The following GPR83 variants were observed in gnomAD, a reference collection of about 807,000 sequenced individuals.
GPR83 encodes the protein G protein-coupled receptor 83, also known as G-protein coupled receptor 72.
GPR83 carries 23 observed loss-of-function variants against 28.0 expected under a neutral mutation model. That is an observed-to-expected ratio of 0.82 (90% confidence interval 0.59 to 1.16). The LOEUF is 1.16. Among genes scored for constraint, GPR83 ranks in the 50% most tolerant of loss-of-function variants. The pLI, the probability that GPR83 is intolerant of heterozygous loss-of-function variation, is 0.00. For missense variants in GPR83, 610 were observed against 536.6 expected (o/e 1.14, Z -1.35); for synonymous variants, 234 against 215.4 (o/e 1.09, Z -0.76).
At chr11:94,387,804 G>T (rs1944775714) in intron 3 of GPR83, among the ~76,000 whole-genome samples, 1 of 151,612 alleles carries the variant, frequency 6.6e-6, no homozygotes, top group Admixed American at 6.6e-5. Context: ...TAGAAAAAGA[G>T]GGAATCCTCC....
rs573009798 is a variant in GPR83 at position 94,380,325 on chromosome 11, G to T, written c.1096C>A (p.Pro366Thr). ...LKALLSMCQR[P>T]PKPQEDRPPS... ...GGCCTGTCCTCCTGAGGCTTGGGAG[G>T]TCTTTGACACATGCTCAGTAATGCC... The change falls in exon 4 of 4, where the codon CCT becomes ACT. Residue 366 changes from proline (P) to threonine (T), a missense_variant. Pro to Thr is a conservative substitution (Grantham distance 38). Coordinates refer to ENST00000243673, the MANE Select transcript of GPR83 (RefSeq NM_016540.4). The T allele has an allele frequency of 1.6e-5, 26 of 1,612,708 alleles. No individual in the cohort carries two copies. The South Asian group carries it at 2.0e-4, about 12-fold the overall frequency.
At chr11:94,380,798 G>A (rs374834394) in intron 3 of GPR83, 25 bp from the exon 4 acceptor site, 8 of 1,583,822 alleles carry the variant, frequency 5.1e-6, no homozygotes, top group African/African-American at 2.7e-5. Context: ...TGGGGAGGGG[G>A]AGAGAGGTAA....
At chr11:94,398,281 GT>G (rs147587072) in intron 1 of GPR83, among the ~76,000 whole-genome samples, 5,061 of 152,188 alleles carry the variant, frequency 0.033, 310 homozygotes, top group African/African-American at 0.12. Flanking sequence ...TCAGGACAGA[GT>G]ATCCAGGCCC....
chr11:94,401,094 A>G lies in GPR83; in HGVS notation c.154T>C (p.Trp52Arg), dbSNP rs1341015248. ...FSWNNYTFSD[W>R]QNFVGRRRYG... ...CGCCTCCTGCCCACAAAGTTCTGCC[A>G]GTCGGAGAAGGTGTAGTTGTTCCAA... Residue 52 changes from tryptophan (W) to arginine (R), a missense_variant, in exon 1 of 4, where the codon TGG (tryptophan) becomes CGG (arginine). Transcript: ENST00000243673. The G allele has an allele frequency of 6.2e-7, 1 of 1,614,248 alleles. No homozygotes were observed. The highest frequency in any genetic ancestry group is 8.5e-7 in the Non-Finnish European group (1 of 1,180,032).
At chr11:94,384,917 C>A (rs1409284130) in intron 3 of GPR83, among the ~76,000 whole-genome samples, 1 of 152,174 alleles carries the variant, frequency 6.6e-6, no homozygotes, top group African/African-American at 2.4e-5. Context: ...GGTCCTTGAC[C>A]CCCGAGTAGT....
chr11:94,380,099 C>G lies in GPR83; in HGVS notation c.*50G>C. ...CATGTGTGAGAATAGGCTCTCTTTCCCTGCCTCAGGTGGAGACAGACCCCT... is the reference window on the plus strand; with the variant it reads ...CATGTGTGAGAATAGGCTCTCTTTCGCTGCCTCAGGTGGAGACAGACCCCT... On this transcript the variant is annotated 3_prime_UTR_variant, in exon 4 of 4. Coordinates refer to ENST00000243673, the MANE Select transcript of GPR83 (RefSeq NM_016540.4). 1 of 1,418,190 alleles carries G rather than the reference C, an allele frequency of 7.1e-7. No homozygotes were observed. Among genetic ancestry groups the G allele is most frequent in the Non-Finnish European group, 9.4e-7 (1 of 1,058,414 alleles). The allele number at this position is 1,418,190 out of a possible 1,614,324, so 87.9% of individuals were successfully genotyped here. A position where few individuals can be genotyped will look rare whatever the true frequency, so the allele number is the denominator to read the frequency against.
chr11:94,397,879 G>A (rs1009355120), intron 1 of GPR83, among the ~76,000 whole-genome samples: 30 of 152,146 alleles, frequency 2.0e-4, no homozygotes, highest in African/African-American at 7.0e-4. Context: ...TGTCAAGTCC[G>A]GCCAGATCTT....
chr11:94,392,335 C>T (rs7118885), intron 3 of GPR83, among the ~76,000 whole-genome samples: 2,143 of 151,816 alleles, frequency 0.014, 58 homozygotes, highest in African/African-American at 0.05. Context: ...AGGTGGGGGG[C>T]AAGCAGAGGG....
At chr11:94,385,960 T>A (rs1400750817) in intron 3 of GPR83, among the ~76,000 whole-genome samples, 1 of 152,208 alleles carries the variant, frequency 6.6e-6, no homozygotes, top group Non-Finnish European at 1.5e-5. Context: ...AAGGTCGGGT[T>A]ACCCACAAAG....
chr11:94,394,806 T>C (rs1944850828), intron 2 of GPR83, among the ~76,000 whole-genome samples: 1 of 152,186 alleles, frequency 6.6e-6, no homozygotes, highest in Admixed American at 6.5e-5. Flanking sequence ...TCTCAAGGAC[T>C]CTGCTGGCCT....
intron 3 of GPR83, among the ~76,000 whole-genome samples, chr11:94,384,648 G>C (rs1054072102): frequency 2.0e-4 from 31 of 152,278 alleles, no homozygotes; most frequent in Admixed American, 1.9e-3. Context: ...AGCGAGGCTG[G>C]GGGAGGAGCG....
chr11:94,396,372 C>T (rs1944866303), intron 2 of GPR83, 27 bp downstream of exon 2: 9 of 1,608,938 alleles, frequency 5.6e-6, no homozygotes, highest in South Asian at 1.1e-5. Context: ...GAGGGAAGAG[C>T]AGAGCATTAG....
At chr11:94,383,597 AAAG>A (rs1178262111) in intron 3 of GPR83, among the ~76,000 whole-genome samples, 5 of 152,314 alleles carry the variant, frequency 3.3e-5, no homozygotes, top group Admixed American at 1.3e-4. Context: ...GAAGACTAAT[AAAG>A]AAGAAAAGAG....
At chr11:94,397,291 G>T (rs1565188739) in intron 1 of GPR83, among the ~76,000 whole-genome samples, 1 of 152,186 alleles carries the variant, frequency 6.6e-6, no homozygotes, top group Non-Finnish European at 1.5e-5. Flanking sequence ...TACTTGAGCA[G>T]CTCCTGTGAG....
intron 3 of GPR83, among the ~76,000 whole-genome samples, chr11:94,390,475 C>A (rs1299558599): frequency 6.6e-6 from 1 of 152,038 alleles, no homozygotes; most frequent in African/African-American, 2.4e-5. Context: ...TTGGCCAGGG[C>A]AATCAGGCAG....
At chr11:94,400,827 CAGA>C in intron 1 of GPR83, 31 bp downstream of exon 1, 1 of 1,601,706 alleles carries the variant, frequency 6.2e-7, no homozygotes, top group South Asian at 1.1e-5. Context: ...GAGACGAAGA[CAGA>C]AGGTGGGGCG....
chr11:94,388,332 G>A (rs1042576366), intron 3 of GPR83, among the ~76,000 whole-genome samples: 3 of 152,156 alleles, frequency 2.0e-5, no homozygotes, highest in Non-Finnish European at 4.4e-5. Context: ...GGGCAATCAG[G>A]CAGGAGAAGG....
Position 94,379,954 on chromosome 11 carries a change from T to A in GPR83, c.*195A>T. On this transcript the variant is annotated 3_prime_UTR_variant, in exon 4 of 4. Transcript: ENST00000243673. ...TCTTAGATGGGAATTTATGAACACA[T>A]GTCTAGTTGGTGGTGCCTTTTAGTT... The A allele has an allele frequency of 2.4e-6, 1 of 423,382 alleles. No homozygotes were observed. The highest frequency in any genetic ancestry group is 3.9e-5 in the Admixed American group (1 of 25,866). 26.2% of individuals were successfully genotyped at this position (423,382 alleles called of 1,614,324 possible). A position where few individuals can be genotyped will look rare whatever the true frequency, so the allele number is the denominator to read the frequency against.
At chr11:94,387,613 C>A (rs976322572) in intron 3 of GPR83, among the ~76,000 whole-genome samples, 8 of 152,254 alleles carry the variant, frequency 5.3e-5, no homozygotes, top group Non-Finnish European at 1.0e-4. Context: ...ATACACCCTC[C>A]CAAGACTAAA....
Sources: gnomAD v4.1 joint callset for allele counts (sites outside exome capture counted in the v4.1 genomes callset) on GRCh38, gnomAD v4.1.1 for gene constraint, MANE v1.5 for transcripts, NCBI Gene and HGNC (gene_info 2026-07-23, HGNC 2026-07-21) for gene names.